Variants in CDC16 observed in about 807,000 individuals in gnomAD.
CDC16 encodes the protein cell division cycle 16, also known as cell division cycle protein 16 homolog.
A neutral mutation model predicts 87.0 loss-of-function variants in CDC16; 34 were observed. The observed-to-expected ratio is 0.39, with a 90% CI of 0.30 to 0.52. CDC16 has a LOEUF of 0.52. Ranked by LOEUF, CDC16 falls within the 20% of genes least tolerant of loss-of-function variation. The pLI is 0.74. For missense variants in CDC16, 653 were observed against 751.9 expected (o/e 0.87, Z 1.54); for synonymous variants, 263 against 260.6 (o/e 1.01, Z -0.09).
At chr13:114,251,138 G>A (rs1447877818) in intron 12 of CDC16, among the ~76,000 whole-genome samples, 1 of 152,142 alleles carries the variant, frequency 6.6e-6, no homozygotes, top group East Asian at 1.9e-4. Context: ...TGTTCACATT[G>A]ACTGTTTGGT....
chr13:114,261,548 A>G (rs2139119424), intron 14 of CDC16, among the ~76,000 whole-genome samples: 1 of 151,992 alleles, frequency 6.6e-6, no homozygotes, highest in East Asian at 2.0e-4. Context: ...CACTAAACTT[A>G]AAGTGCTTGT....
chr13:114,235,753 T>A (rs2081219034), intron 1 of CDC16, among the ~76,000 whole-genome samples: 2 of 152,218 alleles, frequency 1.3e-5, no homozygotes, highest in African/African-American at 4.8e-5. Flanking sequence ...AAAGCCATGG[T>A]AATGCAGAGT....
At position 114,247,651 on chromosome 13, in the gene CDC16, G is replaced by GTGGA. The variant is rs2081945948; in HGVS notation, c.971+649_971+652dup. ...CCAGCACTTTGGGAGGTCAATGCAG[G>GTGGA]TGGATCACCTGAGGTCAGGAGTTCA... On this transcript the variant is annotated intron_variant, in intron 11 of 17. Transcript: ENST00000356221. Among the ~76,000 whole-genome samples the GTGGA allele has an allele frequency of 2.6e-5, 4 of 152,274 alleles. No individual in the cohort carries two copies. The South Asian group carries it at 8.3e-4, about 32-fold the overall frequency.
chr13:114,236,561 T>C, intron 1 of CDC16, 84 bp from the exon 2 acceptor site: 2 of 1,102,928 alleles, frequency 1.8e-6, no homozygotes, highest in East Asian at 2.8e-5. Flanking sequence ...ATATATTACA[T>C]AGAATTATAA....
At chr13:114,246,169 C>G (rs558516302) in intron 10 of CDC16, 120 bp downstream of exon 10, 1 of 538,286 alleles carries the variant, frequency 1.9e-6, no homozygotes, top group African/African-American at 2.0e-5. Flanking sequence ...TAAAGTGTTG[C>G]AACAGAATCT....
intron 12 of CDC16, among the ~76,000 whole-genome samples, chr13:114,254,618 A>G (rs1487679894): frequency 6.6e-6 from 1 of 152,198 alleles, no homozygotes; most frequent in African/African-American, 2.4e-5. Flanking sequence ...CTTTTAAATC[A>G]GATAGAAGAG....
At chr13:114,239,525 G>A (rs1316193409) in intron 5 of CDC16, 35 bp downstream of exon 5, 8 of 1,488,890 alleles carry the variant, frequency 5.4e-6, no homozygotes, top group East Asian at 4.7e-5. Flanking sequence ...CAGTAACGGC[G>A]GCGAGAATTG....
At chr13:114,257,656 T>C (rs193031919) in intron 13 of CDC16, among the ~76,000 whole-genome samples, 67 of 152,346 alleles carry the variant, frequency 4.4e-4, no homozygotes, top group Admixed American at 1.2e-3. Flanking sequence ...CAGTGTAGGC[T>C]TTACTGTACT....
intron 1 of CDC16, 97 bp from the exon 2 acceptor site, chr13:114,236,548 T>C (rs970817084): frequency 1.0e-6 from 1 of 967,180 alleles, no homozygotes; most frequent in African/African-American, 1.7e-5. Context: ...TAGAATTATA[T>C]TAATATATTA....
chr13:114,251,600 A>G (rs1326486278), intron 12 of CDC16, among the ~76,000 whole-genome samples: 3 of 152,222 alleles, frequency 2.0e-5, no homozygotes, highest in Non-Finnish European at 4.4e-5. Context: ...TACCCACCTC[A>G]GTCAGTAGTC....
At chr13:114,254,844 G>A (rs995232) in intron 12 of CDC16, among the ~76,000 whole-genome samples, 44,607 of 151,388 alleles carry the variant, frequency 0.29, 8,438 homozygotes, top group African/African-American at 0.54. Context: ...TCCTCTTTAC[G>A]CCCTCCAGCA....
rs148500495 is a variant in CDC16, at chr13:114,255,935, G to A, written c.1098-1143G>A. Reference sequence around the variant, plus strand: ...GTATGAGCCCAGGGGGCTCTTTTAGGAGCTACCAGACAGGTCAAATAGCAG... The same window carrying A: ...GTATGAGCCCAGGGGGCTCTTTTAGAAGCTACCAGACAGGTCAAATAGCAG... On this transcript the variant is annotated intron_variant, in intron 12 of 17. Transcript: ENST00000356221. Among the ~76,000 whole-genome samples, 654 of 152,320 alleles carry A rather than the reference G, an allele frequency of 4.3e-3. 1 individual carries two copies. Among genetic ancestry groups the A allele is most frequent in the Non-Finnish European group, 7.4e-3 (505 of 68,030 alleles).
intron 17 of CDC16, 99 bp from the exon 18 acceptor site, chr13:114,272,085 A>G (rs2083719612): frequency 4.4e-6 from 3 of 677,988 alleles, no homozygotes; most frequent in Non-Finnish European, 7.4e-6. Flanking sequence ...TCTAAATAGT[A>G]TAATCTGACT....
intron 3 of CDC16, 27 bp from the exon 4 acceptor site, chr13:114,238,963 A>G (rs570228500): frequency 5.6e-6 from 9 of 1,606,252 alleles, no homozygotes; most frequent in Admixed American, 3.4e-5. Flanking sequence ...TTTGACCACT[A>G]CTTAAACAAA....
At chr13:114,244,168 G>T (rs2081718375) in intron 8 of CDC16, among the ~76,000 whole-genome samples, 179 bp downstream of exon 8, 1 of 152,216 alleles carries the variant, frequency 6.6e-6, no homozygotes. Context: ...ACATGAATTT[G>T]TGCATATTTG....
At chr13:114,236,234 A>G (rs952833198) in intron 1 of CDC16, among the ~76,000 whole-genome samples, 9 of 152,220 alleles carry the variant, frequency 5.9e-5, no homozygotes, top group African/African-American at 2.2e-4. Flanking sequence ...TATATAAGGT[A>G]TTTGAGTATA....
intron 3 of CDC16, among the ~76,000 whole-genome samples, chr13:114,237,689 CTG>C (rs1323986226): frequency 6.6e-6 from 1 of 152,194 alleles, no homozygotes; most frequent in Non-Finnish European, 1.5e-5. Context: ...ATTCTGAAGA[CTG>C]TTTTCTAAAC....
intron 17 of CDC16, among the ~76,000 whole-genome samples, chr13:114,271,756 T>C (rs1158151625): frequency 2.0e-5 from 3 of 152,018 alleles, no homozygotes; most frequent in Non-Finnish European, 2.9e-5. Context: ...GCTGGGATTA[T>C]AGGTGTGAGC....
At chr13:114,271,671 CT>C (rs1594714430) in intron 17 of CDC16, among the ~76,000 whole-genome samples, 1 of 151,690 alleles carries the variant, frequency 6.6e-6, no homozygotes, top group East Asian at 1.9e-4. Context: ...TTAGTAGAGA[CT>C]GGGTTTCACC....
Sources: gnomAD v4.1 joint callset for allele counts (sites outside exome capture counted in the v4.1 genomes callset) on GRCh38, gnomAD v4.1.1 for gene constraint, MANE v1.5 for transcripts, NCBI Gene and HGNC (gene_info 2026-07-23, HGNC 2026-07-21) for gene names.